Variants in CDH17 observed in about 807,000 individuals in gnomAD.
The protein encoded by CDH17 is cadherin-17.
CDH17 carries 67 observed loss-of-function variants against 86.3 expected under a neutral mutation model. The observed-to-expected ratio is 0.78, with a 90% CI of 0.64 to 0.95. The LOEUF (loss-of-function observed/expected upper bound fraction) is 0.95. Ranked by LOEUF, CDH17 falls within the 40% of genes least tolerant of loss-of-function variation. The pLI is 0.00. For synonymous variants in CDH17, 367 were observed against 366.4 expected (o/e 1.00, Z -0.02); for missense variants, 993 against 1,017.6 (o/e 0.98, Z 0.33).
intron 2 of CDH17, among the ~76,000 whole-genome samples, 193 bp from the exon 3 acceptor site, chr8:94,189,478 T>C (rs961576891): frequency 6.6e-6 from 1 of 152,238 alleles, no homozygotes; most frequent in African/African-American, 2.4e-5. Flanking sequence ...AACCTTTCCA[T>C]TGCTTTTCTT....
chr8:94,139,914 G>C (rs1409077760), intron 15 of CDH17, among the ~76,000 whole-genome samples: 1 of 151,828 alleles, frequency 6.6e-6, no homozygotes, highest in African/African-American at 2.4e-5. Context: ...AAAAAAAAAG[G>C]GGGGGTGGTG....
At chr8:94,145,850 C>G (rs540692771) in intron 15 of CDH17, 78 bp downstream of exon 15, 2 of 1,484,542 alleles carry the variant, frequency 1.3e-6, no homozygotes, top group Admixed American at 1.9e-5. Flanking sequence ...TTGCTGAGTA[C>G]AGCAAACCCA....
intron 9 of CDH17, among the ~76,000 whole-genome samples, chr8:94,168,791 G>C (rs1392896055): frequency 6.6e-6 from 1 of 152,116 alleles, no homozygotes; most frequent in Non-Finnish European, 1.5e-5. Flanking sequence ...CCCATCTCCT[G>C]ATATTTGTGC....
At chr8:94,139,878 C>G (rs1206086730) in intron 15 of CDH17, among the ~76,000 whole-genome samples, 1 of 147,448 alleles carries the variant, frequency 6.8e-6, no homozygotes, top group African/African-American at 2.5e-5. Context: ...CAGAGTAAGA[C>G]TGTCTCCAAA....
At position 94,189,289 on chromosome 8, in the gene CDH17, T is replaced by C. The variant is rs757514549; in HGVS notation, c.52-4A>G. On this transcript the variant is annotated splice_polypyrimidine_tract_variant and splice_region_variant and intron_variant, in intron 2 of 17. Transcript: ENST00000027335. ...CCTCTTGGCCATATCCAGTTGCCTG[T>C]TAAAAAAGAAAGAGAAAATTAGCAT... The C allele has an allele frequency of 6.3e-7, 1 of 1,594,798 alleles. No homozygotes were observed. The highest frequency in any genetic ancestry group is 1.8e-5 in the Admixed American group (1 of 54,180).
At chr8:94,159,879 A>G in intron 12 of CDH17, 92 bp downstream of exon 12, 1 of 918,072 alleles carries the variant, frequency 1.1e-6, no homozygotes. Flanking sequence ...ATGGCTGCTA[A>G]TACATCACCT....
chr8:94,190,039 T>C (rs1813657200), intron 2 of CDH17, among the ~76,000 whole-genome samples: 1 of 152,246 alleles, frequency 6.6e-6, no homozygotes, highest in Admixed American at 6.5e-5. Flanking sequence ...TAGTAGTGAA[T>C]GTGGCTGGGA....
rs971758619 is a variant in CDH17 at position 94,127,705 on chromosome 8, G to C, written c.*535C>G. The C allele has an allele frequency of 7.9e-5, 12 of 152,542 alleles. No homozygotes were observed. The highest frequency in any genetic ancestry group is 7.8e-4 in the Admixed American group (12 of 15,304). 9.4% of individuals were successfully genotyped at this position (152,542 alleles called of 1,614,324 possible). ...AGAAAAAATGTACAGAATATTTAAT[G>C]AGTCTGTCTTGCCCCAAAAGGGAAA... On this transcript the variant is annotated 3_prime_UTR_variant, in exon 18 of 18. Transcript: ENST00000027335.
chr8:94,178,529 C>T (rs529702146), intron 3 of CDH17, among the ~76,000 whole-genome samples: 6 of 151,818 alleles, frequency 4.0e-5, no homozygotes, highest in African/African-American at 7.3e-5. Flanking sequence ...GTGAAAGTAA[C>T]TTTATTTATA....
chr8:94,181,569 A>G (rs1439219998), intron 3 of CDH17, among the ~76,000 whole-genome samples: 1 of 152,132 alleles, frequency 6.6e-6, no homozygotes, highest in African/African-American at 2.4e-5. Flanking sequence ...AAGGGAAATT[A>G]GAAAATACTT....
At chr8:94,132,333 G>A (rs1812436945) in intron 15 of CDH17, among the ~76,000 whole-genome samples, 1 of 152,124 alleles carries the variant, frequency 6.6e-6, no homozygotes, top group South Asian at 2.1e-4. Flanking sequence ...ATCCTCTCCT[G>A]CAACTGTTGT....
rs141594096 is a variant in CDH17 at position 94,169,086 on chromosome 8, A to G, written c.1066+1311T>C. On this transcript the variant is annotated intron_variant, in intron 9 of 17. Transcript: ENST00000027335. ...TGTTTTGCAGAAATAGGTAACAAAT[A>G]GACTATATGATTGGCCCAATGTAAA... Among the ~76,000 whole-genome samples, 840 of 152,272 alleles carry G rather than the reference A, an allele frequency of 5.5e-3. 9 individuals carry two copies. Among genetic ancestry groups the G allele is most frequent in the African/African-American group, 0.019 (777 of 41,548 alleles).
rs1813019671 is a variant in CDH17 at position 94,160,006 on chromosome 8, G to A, written c.1516C>T (p.Pro506Ser). ...SEGRLGVDTD[P>S]HTNTGYVIIK... is the part of the protein sequence containing the mutation. ...ATGACATATCCGGTGTTGGTATGGG[G>A]ATCTGTGTCAACCCCCAGGCGTCCC... Residue 506 changes from proline (P) to serine (S), a missense_variant, in exon 12 of 18, where the codon CCC (proline) becomes TCC (serine). By Grantham distance (74) the Pro-to-Ser change is moderately conservative (BLOSUM62 -1). Transcript: ENST00000027335. 1 of 1,612,902 alleles carries A rather than the reference G, an allele frequency of 6.2e-7. No homozygotes were observed. The highest frequency in any genetic ancestry group is 1.1e-5 in the South Asian group (1 of 90,702).
chr8:94,164,971 C>A (rs565041521), intron 10 of CDH17, among the ~76,000 whole-genome samples: 2 of 152,316 alleles, frequency 1.3e-5, no homozygotes, highest in South Asian at 4.1e-4. Flanking sequence ...AAGAATGTCT[C>A]CTGATACTGT....
chr8:94,212,586 G>C (rs976174930), upstream of CDH17, among the ~76,000 whole-genome samples: 1 of 151,246 alleles, frequency 6.6e-6, no homozygotes, highest in Non-Finnish European at 1.5e-5. Context: ...TGAATCACTA[G>C]TTCTAAGTAA....
At chr8:94,216,729 G>C (rs1814200013) in intron 1 of CDH17, among the ~76,000 whole-genome samples, 1 of 152,192 alleles carries the variant, frequency 6.6e-6, no homozygotes, top group South Asian at 2.1e-4. Context: ...ATCAATGGTA[G>C]TTAACTACAC....
In CDH17 at chr8:94,128,860, T is replaced by C. The variant is rs542269535; in HGVS notation, c.2399-520A>G. ...GCGCCTTCCTCCTGGATCCTGCCTA[T>C]GTTGTTGTGGGACCCTGGGTAGACT... On this transcript the variant is annotated intron_variant, in intron 17 of 17. Coordinates refer to ENST00000027335, the MANE Select transcript of CDH17 (RefSeq NM_004063.4). 1.1e-4 allele frequency among the ~76,000 whole-genome samples: 16 copies of C among 152,290 alleles called. No individual in the cohort carries two copies. The South Asian group carries it at 1.7e-3, about 16-fold the overall frequency.
chr8:94,210,693 T>G (rs1474767120), upstream of CDH17, among the ~76,000 whole-genome samples: 1 of 152,154 alleles, frequency 6.6e-6, no homozygotes, highest in East Asian at 1.9e-4. Context: ...CTGATTTAAT[T>G]TTCCAAAGCA....
Position 94,172,706 on chromosome 8 carries a change from T to A in CDH17, c.783+1091A>T, listed in dbSNP as rs183678745. ...ATCTCCCACTAACCCACAGCTTTCA[T>A]GTGGAGGAATTTCCTGGGCTTCCAG... On this transcript the variant is annotated intron_variant, in intron 7 of 17. Coordinates refer to ENST00000027335, the MANE Select transcript of CDH17 (RefSeq NM_004063.4). 2.0e-3 allele frequency among the ~76,000 whole-genome samples: 305 copies of A among 152,282 alleles called. 1 individual carries two copies. The highest frequency in any genetic ancestry group is 7.1e-3 in the African/African-American group (295 of 41,556).
Sources: allele counts gnomAD v4.1 joint callset (sites outside exome capture counted in the v4.1 genomes callset), GRCh38; gene constraint gnomAD v4.1.1; transcripts MANE v1.5; gene names NCBI Gene and HGNC (gene_info 2026-07-23, HGNC 2026-07-21).